Variants in SLC10A7 observed in about 807,000 individuals in gnomAD.
SLC10A7 encodes the protein sodium/bile acid cotransporter 7.
Under a neutral mutation model 43.2 loss-of-function variants are expected in SLC10A7, and 29 were observed. The ratio of observed to expected loss-of-function variants is 0.67; its 90% CI spans 0.50 to 0.92. The LOEUF (loss-of-function observed/expected upper bound fraction) is 0.92. SLC10A7 is among the 40% of genes least tolerant of loss of function. The probability of loss-of-function intolerance (pLI) is 0.00; values close to 1 mark genes in which losing one functional copy is unlikely to be tolerated. For synonymous variants in SLC10A7, 152 were observed against 144.8 expected, an observed-to-expected ratio of 1.05 and a Z score of -0.35; for missense variants, 295 against 403.2, an observed-to-expected ratio of 0.73 and a Z score of 2.30.
intron 5 of SLC10A7, among the ~76,000 whole-genome samples, chr4:146,367,116 T>C (rs1016661246): frequency 2.0e-5 from 3 of 152,186 alleles, no homozygotes; most frequent in African/African-American, 7.2e-5. Flanking sequence ...AGCTGTTAGA[T>C]ATCATAACAG....
intron 7 of SLC10A7, among the ~76,000 whole-genome samples, chr4:146,304,566 G>A (rs1354701473): frequency 6.6e-6 from 1 of 152,212 alleles, no homozygotes; most frequent in Non-Finnish European, 1.5e-5. Context: ...GGTTTAGAGT[G>A]AGATTCTTAA....
chr4:146,304,229 T>C (rs551130650), intron 7 of SLC10A7, among the ~76,000 whole-genome samples: 100 of 151,274 alleles, frequency 6.6e-4, no homozygotes, highest in African/African-American at 2.3e-3. Context: ...TAGGATTAAA[T>C]TGTTTATCAA....
intron 5 of SLC10A7, among the ~76,000 whole-genome samples, chr4:146,372,791 T>G (rs996198001): frequency 6.6e-6 from 1 of 152,194 alleles, no homozygotes; most frequent in Non-Finnish European, 1.5e-5. Context: ...TAATGTTTCA[T>G]CAAATATTAA....
rs145946659 is a variant in SLC10A7, at chr4:146,506,253, C to G, written c.321-2329G>C. Among the ~76,000 whole-genome samples the G allele has an allele frequency of 1.8e-3, 277 of 151,940 alleles. 2 individuals are homozygous for G. The highest frequency in any genetic ancestry group is 5.6e-3 in the African/African-American group (232 of 41,422). On this transcript the variant is annotated intron_variant, in intron 3 of 11. Transcript: ENST00000335472. ...TCCAGCTGGGCAGCAGAGTGAGATG[C>G]CATCTCAAAAAAAAAAATTTGCCAA...
At chr4:146,409,757 C>T (rs934915588) in intron 5 of SLC10A7, among the ~76,000 whole-genome samples, 1 of 152,050 alleles carries the variant, frequency 6.6e-6, no homozygotes, top group Non-Finnish European at 1.5e-5. Flanking sequence ...CTATATATTA[C>T]ATAAATTTTT....
intron 11 of SLC10A7, chr4:146,256,764 A>T: frequency 7.7e-7 from 1 of 1,301,280 alleles, no homozygotes; most frequent in East Asian, 2.5e-5. Context: ...CCTGTGCACT[A>T]GATGGTAGCC....
intron 5 of SLC10A7, among the ~76,000 whole-genome samples, chr4:146,391,943 C>T (rs905600532): frequency 6.6e-6 from 1 of 152,150 alleles, no homozygotes; most frequent in Non-Finnish European, 1.5e-5. Flanking sequence ...TTTCATTATG[C>T]GTCTCAGGAA....
At chr4:146,433,357 A>G (rs964444982) in intron 5 of SLC10A7, among the ~76,000 whole-genome samples, 1 of 151,872 alleles carries the variant, frequency 6.6e-6, no homozygotes, top group East Asian at 2.0e-4. Context: ...AACCAAAGTA[A>G]CCATCTCAAT....
At chr4:146,436,092 C>G (rs1470422140) in intron 5 of SLC10A7, among the ~76,000 whole-genome samples, 1 of 151,974 alleles carries the variant, frequency 6.6e-6, no homozygotes, top group Non-Finnish European at 1.5e-5. Flanking sequence ...GTTGCTTCAG[C>G]CTCCACCAAA....
chr4:146,283,745 A>G (rs1729698357), intron 9 of SLC10A7, among the ~76,000 whole-genome samples: 1 of 152,140 alleles, frequency 6.6e-6, no homozygotes, highest in Non-Finnish European at 1.5e-5. Flanking sequence ...TCATTTTTTG[A>G]GCAGTATCAT....
chr4:146,311,101 T>C (rs1731947559), intron 6 of SLC10A7, among the ~76,000 whole-genome samples: 1 of 152,038 alleles, frequency 6.6e-6, no homozygotes, highest in African/African-American at 2.4e-5. Context: ...GTTAGTTCAA[T>C]ACACACAATG....
chr4:146,327,105 C>A (rs1220756297), intron 5 of SLC10A7, among the ~76,000 whole-genome samples: 4 of 152,020 alleles, frequency 2.6e-5, no homozygotes, highest in Non-Finnish European at 5.9e-5. Context: ...CATGAAAGTC[C>A]CTGTGTCATA....
At chr4:146,433,953 C>T (rs1210574612) in intron 5 of SLC10A7, among the ~76,000 whole-genome samples, 1 of 152,016 alleles carries the variant, frequency 6.6e-6, no homozygotes, top group Non-Finnish European at 1.5e-5. Flanking sequence ...TTACATTATC[C>T]TTAAAAGATA....
At chr4:146,389,777 C>T (rs1455733825) in intron 5 of SLC10A7, among the ~76,000 whole-genome samples, 3 of 152,288 alleles carry the variant, frequency 2.0e-5, no homozygotes, top group South Asian at 2.1e-4. Context: ...GAAGAACTTT[C>T]GGTTTGGCCT....
At chr4:146,433,974 G>A (rs904790632) in intron 5 of SLC10A7, among the ~76,000 whole-genome samples, 7 of 152,046 alleles carry the variant, frequency 4.6e-5, no homozygotes, top group African/African-American at 1.7e-4. Flanking sequence ...ATGAAAAGGG[G>A]GAACTGCAAA....
At chr4:146,347,163 C>G (rs1361546498) in intron 5 of SLC10A7, among the ~76,000 whole-genome samples, 1 of 151,966 alleles carries the variant, frequency 6.6e-6, no homozygotes, top group Non-Finnish European at 1.5e-5. Flanking sequence ...TGGTGGGGGT[C>G]AGAACAGCAT....
intron 5 of SLC10A7, among the ~76,000 whole-genome samples, chr4:146,386,502 C>CTG (rs775703875): frequency 6.6e-6 from 1 of 152,178 alleles, no homozygotes; most frequent in Non-Finnish European, 1.5e-5. Flanking sequence ...TACTTGCAAA[C>CTG]TGTGTGTGTG....
chr4:146,323,859 A>G (rs1485025457), intron 6 of SLC10A7, among the ~76,000 whole-genome samples: 1 of 152,180 alleles, frequency 6.6e-6, no homozygotes, highest in Non-Finnish European at 1.5e-5. Context: ...AGGGTATTCA[A>G]TTAGGAAAAG....
At chr4:146,357,423 C>A (rs149051261) in intron 5 of SLC10A7, among the ~76,000 whole-genome samples, 262 of 152,162 alleles carry the variant, frequency 1.7e-3, no homozygotes, top group Middle Eastern at 0.01. Context: ...ACAAAAAAAC[C>A]CTGCAGCACT....
Sources: allele counts gnomAD v4.1 joint callset (sites outside exome capture counted in the v4.1 genomes callset), GRCh38; gene constraint gnomAD v4.1.1; transcripts MANE v1.5; gene names NCBI Gene and HGNC (gene_info 2026-07-23, HGNC 2026-07-21).